The following ZNF793 variants were observed in gnomAD, a reference collection of about 807,000 sequenced individuals.
ZNF793 encodes the protein zinc finger protein 793.
ZNF793 carries 5 observed loss-of-function variants against 12.4 expected under a neutral mutation model. The ratio of observed to expected loss-of-function variants is 0.40; its 90% CI spans 0.21 to 0.84. ZNF793 has a LOEUF of 0.84. Ranked by LOEUF, ZNF793 falls within the 40% of genes least tolerant of loss-of-function variation. The pLI, the probability that ZNF793 is intolerant of heterozygous loss-of-function variation, is 0.35. For missense variants in ZNF793, 456 were observed against 495.0 expected, an observed-to-expected ratio of 0.92 and a Z score of 0.75; for synonymous variants, 162 against 172.4, an observed-to-expected ratio of 0.94 and a Z score of 0.47.
Position 37,536,974 on chromosome 19 carries a change from A to AAAACATTGCCCAAG in ZNF793, c.317_330dup (p.Glu111LysfsTer20), listed in dbSNP as rs769776842. 3.7e-6 allele frequency: 6 copies of AAAACATTGCCCAAG among 1,614,030 alleles called. No homozygotes were observed. Among genetic ancestry groups the AAAACATTGCCCAAG allele is most frequent in the South Asian group, 3.3e-5 (3 of 91,080 alleles). On this transcript the variant is annotated frameshift_variant, in exon 8 of 8. Coordinates refer to ENST00000627814, the MANE Select transcript of ZNF793 (RefSeq NM_001013659.3). LOFTEE classifies it low-confidence loss of function (END_TRUNC). Reference sequence around the variant, plus strand: ...GAGGCCAGGCGCAGCCATAAGCAAGAAAACATTGCCCAAGGAGAAAAGCTG... The same window carrying AAAACATTGCCCAAG: ...GAGGCCAGGCGCAGCCATAAGCAAGAAAACATTGCCCAAGAAACATTGCCCAAGGAGAAAAGCTG...
chr19:37,535,516 G>C (rs961185806), intron 7 of ZNF793: 1 of 151,788 alleles, frequency 6.6e-6, no homozygotes, highest in Non-Finnish European at 1.5e-5. Context: ...CTAGAAAATA[G>C]TTATCAAAAA....
intron 2 of ZNF793, among the ~76,000 whole-genome samples, chr19:37,509,776 G>C (rs982273319): frequency 6.6e-6 from 1 of 152,138 alleles, no homozygotes; most frequent in African/African-American, 2.4e-5. Flanking sequence ...ATATAAATAT[G>C]TAGCTCAATG....
At position 37,537,897 on chromosome 19, in the gene ZNF793, A is replaced by G; in HGVS notation, c.*18A>G. 1 of 1,519,956 alleles carries G rather than the reference A, an allele frequency of 6.6e-7. No homozygotes were observed. Among genetic ancestry groups the G allele is most frequent in the Non-Finnish European group, 8.8e-7 (1 of 1,133,340 alleles). 94.2% of individuals were successfully genotyped at this position (1,519,956 alleles called of 1,614,324 possible). A position where few individuals can be genotyped will look rare whatever the true frequency, so the allele number is the denominator to read the frequency against. On this transcript the variant is annotated 3_prime_UTR_variant, in exon 8 of 8. Transcript: ENST00000627814. The stretch of plus-strand genomic sequence containing the variant: ...ATACTTGAGCAAAATATCTGGTTTC[A>G]TGGTATGTAGGGAATTTTTTTTTTT...
chr19:37,523,073 T>C (rs764828693), intron 4 of ZNF793, among the ~76,000 whole-genome samples: 4 of 152,204 alleles, frequency 2.6e-5, no homozygotes, highest in African/African-American at 4.8e-5. Flanking sequence ...CTAGGCCAGA[T>C]TGCAGTAGTG....
chr19:37,542,652 A>G lies in ZNF793; in HGVS notation c.*4773A>G, dbSNP rs529383075. 1.4e-4 allele frequency: 28 copies of G among 196,288 alleles called. No homozygotes were observed. In the East Asian group the frequency reaches 2.9e-3, roughly 20 times the overall value. The allele number at this position is 196,288 out of a possible 1,614,324, so 12.2% of individuals were successfully genotyped here. A position where few individuals can be genotyped will look rare whatever the true frequency, so the allele number is the denominator to read the frequency against. ...TGTATCCATTCCATAGAATGTTAAT[A>G]TAGCCATTAAGGTGGACAAATTAAA... On this transcript the variant is annotated 3_prime_UTR_variant, in exon 8 of 8. Coordinates refer to ENST00000627814, the MANE Select transcript of ZNF793 (RefSeq NM_001013659.3).
chr19:37,538,590 A>C lies in ZNF793; in HGVS notation c.*711A>C, dbSNP rs1294710651. 1 of 152,130 alleles carries C rather than the reference A, an allele frequency of 6.6e-6. No individual in the cohort carries two copies. The highest frequency in any genetic ancestry group is 1.5e-5 in the Non-Finnish European group (1 of 68,050). The allele number at this position is 152,130 out of a possible 1,614,324, so 9.4% of individuals were successfully genotyped here. Reference sequence around the variant, plus strand: ...CCAAAGTGTTGGGATTACAGGCATGAGCCAACGCGCCCAACCGACAGTGTT... The same window carrying C: ...CCAAAGTGTTGGGATTACAGGCATGCGCCAACGCGCCCAACCGACAGTGTT... On this transcript the variant is annotated 3_prime_UTR_variant, in exon 8 of 8. Coordinates refer to ENST00000627814, the MANE Select transcript of ZNF793 (RefSeq NM_001013659.3).
intron 7 of ZNF793, 97 bp from the exon 8 acceptor site, chr19:37,536,800 A>C: frequency 7.4e-7 from 1 of 1,356,344 alleles, no homozygotes; most frequent in Non-Finnish European, 9.8e-7. Flanking sequence ...GTTATGGTTC[A>C]TGTTCTCTAT....
chr19:37,540,938 C>CAATA lies in ZNF793; in HGVS notation c.*3064_*3067dup, dbSNP rs1356739295. The CAATA allele has an allele frequency of 1.3e-5, 2 of 151,122 alleles. No individual in the cohort carries two copies. Among genetic ancestry groups the CAATA allele is most frequent in the Admixed American group, 1.3e-4 (2 of 15,176 alleles). The allele number at this position is 151,122 out of a possible 1,614,324, so 9.4% of individuals were successfully genotyped here. ...CATGTATAAAAACATCACATGTACC[C>CAATA]AATAAATATATACAACAATTATATA... On this transcript the variant is annotated 3_prime_UTR_variant, in exon 8 of 8. Transcript: ENST00000627814.
intron 5 of ZNF793, among the ~76,000 whole-genome samples, chr19:37,529,999 C>T (rs931826380): frequency 2.6e-5 from 4 of 151,816 alleles, no homozygotes; most frequent in East Asian, 3.9e-4. Flanking sequence ...GGGTGTTTCT[C>T]GGTGAGGGGG....
chr19:37,534,784 C>G (rs1045471554), intron 7 of ZNF793: 1 of 151,654 alleles, frequency 6.6e-6, no homozygotes, highest in African/African-American at 2.4e-5. Flanking sequence ...TGGGCTCAAG[C>G]GATCCTCCCA....
At chr19:37,536,023 G>C (rs1310127293) in intron 7 of ZNF793, 1 of 155,876 alleles carries the variant, frequency 6.4e-6, no homozygotes, top group African/African-American at 2.4e-5. Flanking sequence ...GTGTTTTGTT[G>C]CTTATATTCA....
intron 2 of ZNF793, among the ~76,000 whole-genome samples, chr19:37,515,724 T>A (rs1339744337): frequency 6.6e-6 from 1 of 152,214 alleles, no homozygotes; most frequent in Non-Finnish European, 1.5e-5. Context: ...TTGGAGTACC[T>A]GTGTGAAAGC....
At chr19:37,512,203 A>G (rs776249605) in intron 2 of ZNF793, among the ~76,000 whole-genome samples, 32 of 152,116 alleles carry the variant, frequency 2.1e-4, no homozygotes, top group Non-Finnish European at 4.1e-4. Context: ...TTGATTTTAA[A>G]TAATTTCAGA....
chr19:37,521,564 C>A (rs2042376716), intron 3 of ZNF793, among the ~76,000 whole-genome samples: 1 of 151,770 alleles, frequency 6.6e-6, no homozygotes, highest in Non-Finnish European at 1.5e-5. Context: ...CTGCCTCAGC[C>A]TCCTGAGTAG....
intron 3 of ZNF793, among the ~76,000 whole-genome samples, chr19:37,520,793 T>A (rs1314197867): frequency 2.0e-5 from 3 of 152,112 alleles, no homozygotes; most frequent in African/African-American, 7.2e-5. Flanking sequence ...AGGAATGTGA[T>A]TAGTTCACTC....
chr19:37,527,879 G>A (rs962691382), intron 5 of ZNF793, among the ~76,000 whole-genome samples: 2 of 152,052 alleles, frequency 1.3e-5, no homozygotes, highest in African/African-American at 4.8e-5. Flanking sequence ...AGCACTTTGA[G>A]AGGCCAAGGC....
At chr19:37,523,532 G>T in intron 5 of ZNF793, 78 bp downstream of exon 5, 1 of 1,394,882 alleles carries the variant, frequency 7.2e-7, no homozygotes, top group Non-Finnish European at 1.0e-6. Flanking sequence ...TGCATTGTAA[G>T]TATGTACAGT....
At chr19:37,516,195 C>T (rs965624213) in intron 2 of ZNF793, among the ~76,000 whole-genome samples, 6 of 152,122 alleles carry the variant, frequency 3.9e-5, no homozygotes, top group Non-Finnish European at 7.4e-5. Context: ...AGTGCAGTGG[C>T]GCGATCTCGG....
At chr19:37,510,227 G>C (rs990658340) in intron 2 of ZNF793, among the ~76,000 whole-genome samples, 1 of 151,830 alleles carries the variant, frequency 6.6e-6, no homozygotes, top group African/African-American at 2.4e-5. Flanking sequence ...TGGGTAGTCT[G>C]GGCATGTTGG....
Sources: gnomAD v4.1 joint callset for allele counts (sites outside exome capture counted in the v4.1 genomes callset) on GRCh38, gnomAD v4.1.1 for gene constraint, MANE v1.5 for transcripts, NCBI Gene and HGNC (gene_info 2026-07-23, HGNC 2026-07-21) for gene names.